Variants in HYAL4 observed in about 807,000 individuals in gnomAD.
HYAL4 encodes hyaluronidase-4.
In HYAL4, 37 loss-of-function variants were observed where a neutral mutation model predicts 35.2. The ratio of observed to expected loss-of-function variants is 1.05; its 90% confidence interval spans 0.81 to 1.38. The LOEUF (loss-of-function observed/expected upper bound fraction) is 1.38, where lower values mean the gene tolerates loss of function less well. HYAL4 is among the 40% of genes most tolerant of loss of function. The probability of loss-of-function intolerance (pLI) is 0.00; values close to 1 mark genes in which losing one functional copy is unlikely to be tolerated. For missense variants in HYAL4, 572 were observed against 572.4 expected (o/e 1.00, Z 0.01); for synonymous variants, 198 against 203.2 (o/e 0.97, Z 0.22).
the HYAL4 span, among the ~76,000 whole-genome samples, chr7:123,770,650 A>G: frequency 3.9e-5 from 6 of 152,166 alleles, no homozygotes; most frequent in Admixed American, 1.3e-4. Flanking sequence ...AGCATTAGTC[A>G]TGGAGAGGAG....
At chr7:123,769,466 C>A in the HYAL4 span, among the ~76,000 whole-genome samples, 22 of 152,230 alleles carry the variant, frequency 1.4e-4, no homozygotes, top group East Asian at 2.3e-3. Flanking sequence ...CCAAGGAAAA[C>A]CTCTGGGGTT....
the HYAL4 span, among the ~76,000 whole-genome samples, chr7:123,774,309 G>A: frequency 2.6e-5 from 4 of 152,182 alleles, no homozygotes; most frequent in African/African-American, 9.6e-5. Context: ...AAAGTGCTGG[G>A]ATTATAGGCG....
the HYAL4 span, chr7:123,790,511 C>A: frequency 7.3e-5 from 11 of 151,358 alleles, no homozygotes; most frequent in Non-Finnish European, 1.6e-4. Flanking sequence ...TTATCTGTAA[C>A]GCTCTCTTGA....
chr7:123,838,555 GA>G (rs374808396), intron 1 of HYAL4, among the ~76,000 whole-genome samples: 6,121 of 146,766 alleles, frequency 0.042, 136 homozygotes, highest in Middle Eastern at 0.083. Flanking sequence ...GTCATAAACA[GA>G]AAAAAAAAAG....
At chr7:123,773,300 C>T in the HYAL4 span, among the ~76,000 whole-genome samples, 4 of 152,004 alleles carry the variant, frequency 2.6e-5, no homozygotes, top group Non-Finnish European at 5.9e-5. Context: ...TGACCTATTT[C>T]TACATTTTAA....
chr7:123,846,755 A>G (rs1268556308), intron 1 of HYAL4, among the ~76,000 whole-genome samples: 1 of 152,128 alleles, frequency 6.6e-6, no homozygotes, highest in Non-Finnish European at 1.5e-5. Context: ...GCCCTCCCCA[A>G]GGACTCCTAT....
intron 2 of HYAL4, among the ~76,000 whole-genome samples, chr7:123,867,600 G>C (rs917673112): frequency 2.0e-5 from 3 of 152,164 alleles, no homozygotes; most frequent in Non-Finnish European, 2.9e-5. Context: ...CTTTGGGATA[G>C]TTGGGCTGGT....
At chr7:123,821,365 A>T in the HYAL4 span, among the ~76,000 whole-genome samples, 1 of 152,120 alleles carries the variant, frequency 6.6e-6, no homozygotes, top group South Asian at 2.1e-4. Flanking sequence ...GTGTGAGGTG[A>T]TAGCTCATTG....
chr7:123,772,218 A>G, the HYAL4 span, among the ~76,000 whole-genome samples: 6 of 152,116 alleles, frequency 3.9e-5, no homozygotes, highest in Middle Eastern at 3.2e-3. Context: ...CAAAGCTCCA[A>G]TATGTTTATA....
At chr7:123,778,119 T>A in the HYAL4 span, among the ~76,000 whole-genome samples, 9 of 151,806 alleles carry the variant, frequency 5.9e-5, no homozygotes, top group African/African-American at 2.2e-4. Context: ...TTGCCACATT[T>A]GCTTTACCAT....
the HYAL4 span, among the ~76,000 whole-genome samples, chr7:123,807,331 G>A: frequency 6.6e-6 from 1 of 151,194 alleles, no homozygotes; most frequent in South Asian, 2.1e-4. Flanking sequence ...CATAAATAAT[G>A]TGCAGGTTTG....
chr7:123,787,783 T>C, the HYAL4 span, among the ~76,000 whole-genome samples: 3 of 152,158 alleles, frequency 2.0e-5, no homozygotes, highest in African/African-American at 4.8e-5. Context: ...GGAGGGGCAA[T>C]TGCAGTGACA....
At chr7:123,798,339 A>T in the HYAL4 span, among the ~76,000 whole-genome samples, 1 of 152,186 alleles carries the variant, frequency 6.6e-6, no homozygotes, top group South Asian at 2.1e-4. Flanking sequence ...TATTCTTAAT[A>T]AGGGAAAGAG....
chr7:123,799,834 A>G, the HYAL4 span, among the ~76,000 whole-genome samples: 2 of 152,062 alleles, frequency 1.3e-5, no homozygotes, highest in Non-Finnish European at 2.9e-5. Context: ...GTTTGAATAC[A>G]TTATTTGGTA....
chr7:123,820,140 G>T, the HYAL4 span, among the ~76,000 whole-genome samples: 1 of 151,742 alleles, frequency 6.6e-6, no homozygotes, highest in South Asian at 2.1e-4. Flanking sequence ...CTATCTGCCC[G>T]CCTCAGCCTC....
At chr7:123,816,276 T>G in the HYAL4 span, among the ~76,000 whole-genome samples, 2 of 152,280 alleles carry the variant, frequency 1.3e-5, no homozygotes, top group East Asian at 3.9e-4. Context: ...AAATCCTTCT[T>G]TCAAAAGCCA....
chr7:123,824,475 A>G (rs879542339), upstream of HYAL4, among the ~76,000 whole-genome samples: 2 of 152,078 alleles, frequency 1.3e-5, no homozygotes, highest in African/African-American at 2.4e-5. Context: ...TTCCTGCTGA[A>G]AGCCTTTTGA....
the HYAL4 span, among the ~76,000 whole-genome samples, chr7:123,773,695 G>A: frequency 2.0e-5 from 3 of 152,216 alleles, no homozygotes; most frequent in Non-Finnish European, 4.4e-5. Flanking sequence ...AACTCATTGA[G>A]TCAGACCTTT....
the HYAL4 span, among the ~76,000 whole-genome samples, chr7:123,774,190 C>T: frequency 6.6e-6 from 1 of 152,014 alleles, no homozygotes; most frequent in Non-Finnish European, 1.5e-5. Flanking sequence ...TATATATGAC[C>T]ATGCCCAGTT....
Sources: gnomAD v4.1 joint callset for allele counts (sites outside exome capture counted in the v4.1 genomes callset) on GRCh38, gnomAD v4.1.1 for gene constraint, MANE v1.5 for transcripts, NCBI Gene and HGNC (gene_info 2026-07-23, HGNC 2026-07-21) for gene names.